RIPOR2: variants seen among roughly 807,000 people sequenced by gnomAD.
RIPOR2 encodes rho family-interacting cell polarization regulator 2.
RIPOR2 carries 39 observed loss-of-function variants against 114.5 expected under a neutral mutation model. That is an observed-to-expected ratio of 0.34 (90% CI 0.26 to 0.44). The LOEUF is 0.44. Among genes scored for constraint, RIPOR2 ranks in the 20% least tolerant of loss-of-function variants. The pLI, the probability that RIPOR2 is intolerant of heterozygous loss-of-function variation, is 1.00. For synonymous variants in RIPOR2, 445 were observed against 484.4 expected (o/e 0.92, Z 1.07); for missense variants, 1,007 against 1,255.1 (o/e 0.80, Z 2.99).
rs1324033778 is a variant in RIPOR2 at position 24,830,689 on chromosome 6, C to G, written c.2345-19G>C. On this transcript the variant is annotated intron_variant, in intron 16 of 21. Coordinates refer to ENST00000643898, the MANE Select transcript of RIPOR2 (RefSeq NM_001286445.3). ...GGTATGGCTGGAAAAGAAGAGCAAC[C>G]CCCCATCTCGTAACACATTTTATTT... The G allele has an allele frequency of 1.9e-6, 3 of 1,541,032 alleles. No homozygotes were observed. Among genetic ancestry groups the G allele is most frequent in the African/African-American group, 1.4e-5 (1 of 72,208 alleles).
chr6:24,829,447 C>T (rs778444085), intron 17 of RIPOR2, among the ~76,000 whole-genome samples: 6 of 152,076 alleles, frequency 3.9e-5, no homozygotes, highest in Non-Finnish European at 7.4e-5. Context: ...GGGCAAGAGA[C>T]TGAAACCCTG....
At chr6:24,847,907 C>T (rs1762479521) in intron 12 of RIPOR2, 118 bp downstream of exon 12, 3 of 1,345,336 alleles carry the variant, frequency 2.2e-6, no homozygotes, top group East Asian at 4.8e-5. Context: ...ACAGAGGAGG[C>T]TCACCACCTC....
intron 1 of RIPOR2, among the ~76,000 whole-genome samples, chr6:24,889,500 C>G (rs1767126097): frequency 6.6e-6 from 1 of 152,120 alleles, no homozygotes; most frequent in Non-Finnish European, 1.5e-5. Context: ...AAAGGAAATT[C>G]ATAACACATA....
intron 19 of RIPOR2, among the ~76,000 whole-genome samples, chr6:24,824,759 CAT>C (rs1760004440): frequency 2.0e-5 from 3 of 152,184 alleles, no homozygotes; most frequent in South Asian, 2.1e-4. Context: ...TATACACACA[CAT>C]ATGTTCACCA....
chr6:24,824,047 G>A (rs903227975), intron 19 of RIPOR2, among the ~76,000 whole-genome samples: 10 of 152,156 alleles, frequency 6.6e-5, no homozygotes, highest in Non-Finnish European at 8.8e-5. Context: ...GTGAGCCACC[G>A]CGCCTGGGCC....
At chr6:25,000,177 A>G (rs528735518) in intron 1 of RIPOR2, among the ~76,000 whole-genome samples, 10 of 152,304 alleles carry the variant, frequency 6.6e-5, no homozygotes, top group Admixed American at 6.5e-4. Flanking sequence ...TTTCACCTGG[A>G]CAACTCTTAC....
intron 19 of RIPOR2, among the ~76,000 whole-genome samples, chr6:24,821,428 C>T (rs1759693585): frequency 6.6e-6 from 1 of 152,134 alleles, no homozygotes; most frequent in Non-Finnish European, 1.5e-5. Context: ...AGGTGATGCG[C>T]CCGCCTCGGC....
intron 1 of RIPOR2, among the ~76,000 whole-genome samples, chr6:24,897,875 A>T (rs1768041532): frequency 6.6e-6 from 1 of 151,908 alleles, no homozygotes; most frequent in South Asian, 2.1e-4. Context: ...CAAGGGATTC[A>T]CAGCCTCCCA....
At chr6:24,902,753 A>G (rs1216212525) in intron 1 of RIPOR2, among the ~76,000 whole-genome samples, 2 of 152,230 alleles carry the variant, frequency 1.3e-5, no homozygotes, top group Non-Finnish European at 2.9e-5. Flanking sequence ...AAAATGTGCA[A>G]CAGTTTGCTT....
chr6:24,879,671 C>T (rs1198650644), intron 1 of RIPOR2, among the ~76,000 whole-genome samples: 1 of 152,162 alleles, frequency 6.6e-6, no homozygotes, highest in Admixed American at 6.5e-5. Context: ...ACAAAACACT[C>T]CCTTCCCCAT....
intron 1 of RIPOR2, among the ~76,000 whole-genome samples, chr6:24,987,639 C>A (rs781302581): frequency 7.2e-5 from 11 of 152,322 alleles, no homozygotes; most frequent in Non-Finnish European, 1.5e-4. Flanking sequence ...GTCCACACTA[C>A]GTAAAACCGG....
chr6:24,876,954 T>A (rs1765835263), intron 1 of RIPOR2: 1 of 984,782 alleles, frequency 1.0e-6, no homozygotes, highest in Admixed American at 6.2e-5. Context: ...CACATACCAT[T>A]GTCTTAGCAG....
At chr6:24,975,678 G>A (rs1048127234) in intron 1 of RIPOR2, among the ~76,000 whole-genome samples, 5 of 152,118 alleles carry the variant, frequency 3.3e-5, no homozygotes, top group African/African-American at 1.2e-4. Context: ...ATAATGCATA[G>A]TATACTTGAA....
In RIPOR2 at chr6:24,805,580, G is replaced by A. The variant is rs1402989295; in HGVS notation, c.*793C>T. 3.1e-5 allele frequency: 4 copies of A among 129,820 alleles called. No homozygotes were observed. Among genetic ancestry groups the A allele is most frequent in the Non-Finnish European group, 5.4e-5 (3 of 55,878 alleles). The allele number at this position is 129,820 out of a possible 1,614,324, so 8.0% of individuals were successfully genotyped here. On this transcript the variant is annotated 3_prime_UTR_variant, in exon 22 of 22. Coordinates refer to ENST00000643898, the MANE Select transcript of RIPOR2 (RefSeq NM_001286445.3). ...ATGGGTCATTTTGCCAGGTTCTGCA[G>A]GCAAACTTTTATTTGAAGATATTCT...
chr6:24,937,571 G>A (rs1184985145), upstream of RIPOR2, among the ~76,000 whole-genome samples: 1 of 151,978 alleles, frequency 6.6e-6, no homozygotes, highest in Non-Finnish European at 1.5e-5. Flanking sequence ...TAATTAAAAT[G>A]GGCCTAGGTG....
chr6:24,829,479 T>C (rs1760478412), intron 17 of RIPOR2, among the ~76,000 whole-genome samples: 1 of 151,900 alleles, frequency 6.6e-6, no homozygotes, highest in Admixed American at 6.6e-5. Flanking sequence ...AGTACAAAAA[T>C]TGGCCAGGCA....
At chr6:25,030,868 T>C (rs1466080354) in intron 1 of RIPOR2, 1 of 152,098 alleles carries the variant, frequency 6.6e-6, no homozygotes, top group Admixed American at 6.5e-5. Flanking sequence ...CCGGCTAATT[T>C]TGTATTTTTA....
chr6:24,840,195 G>C, intron 13 of RIPOR2: 1 of 965,558 alleles, frequency 1.0e-6, no homozygotes, highest in Non-Finnish European at 1.2e-6. Flanking sequence ...CAGCAATCCT[G>C]GGCTTCCCAA....
intron 1 of RIPOR2, among the ~76,000 whole-genome samples, chr6:25,036,072 G>A (rs1165767901): frequency 2.0e-5 from 3 of 152,176 alleles, no homozygotes; most frequent in Admixed American, 6.5e-5. Flanking sequence ...CCAGGGCATC[G>A]TCTGTGGGAT....
Sources: gnomAD v4.1 joint callset for allele counts (sites outside exome capture counted in the v4.1 genomes callset) on GRCh38, gnomAD v4.1.1 for gene constraint, MANE v1.5 for transcripts, NCBI Gene and HGNC (gene_info 2026-07-23, HGNC 2026-07-21) for gene names.